Variants in LIN7A observed in about 807,000 individuals in gnomAD.
LIN7A encodes the protein lin-7 cell polarity scaffold A, also known as protein lin-7 homolog A.
LIN7A carries 25 observed loss-of-function variants against 29.8 expected under a neutral mutation model. That is an observed-to-expected ratio of 0.84 (90% CI 0.61 to 1.17). The LOEUF is 1.17. LIN7A is among the 50% of genes most tolerant of loss of function. The pLI, the probability that LIN7A is intolerant of heterozygous loss-of-function variation, is 0.00. For synonymous variants in LIN7A, 118 were observed against 107.5 expected (o/e 1.10, Z -0.60); for missense variants, 239 against 287.0 (o/e 0.83, Z 1.21).
At chr12:80,823,008 A>AC (rs1213902842) in intron 4 of LIN7A, among the ~76,000 whole-genome samples, 2 of 151,954 alleles carry the variant, frequency 1.3e-5, no homozygotes, top group Non-Finnish European at 2.9e-5. Flanking sequence ...GCCCATACAA[A>AC]CCCCAGATTC....
At chr12:80,854,486 C>CAAAA (rs34687099) in intron 2 of LIN7A, among the ~76,000 whole-genome samples, 16 of 108,960 alleles carry the variant, frequency 1.5e-4, no homozygotes, top group Admixed American at 2.0e-4. Context: ...GTTGCTAAGC[C>CAAAA]AAAAAAAAAA....
intron 1 of LIN7A, among the ~76,000 whole-genome samples, chr12:80,925,639 G>GT: frequency 6.6e-6 from 1 of 152,276 alleles, no homozygotes; most frequent in East Asian, 1.9e-4. Flanking sequence ...ACTTATTCAA[G>GT]TAACTTTGAG....
At chr12:80,873,213 CCT>C (rs1874508881) in intron 2 of LIN7A, among the ~76,000 whole-genome samples, 1 of 152,062 alleles carries the variant, frequency 6.6e-6, no homozygotes, top group African/African-American at 2.4e-5. Context: ...AGGCTAATCC[CCT>C]CTCTCCTTTC....
intron 1 of LIN7A, among the ~76,000 whole-genome samples, chr12:80,933,573 T>C (rs78342142): frequency 0.062 from 9,459 of 152,276 alleles, 328 homozygotes; most frequent in Middle Eastern, 0.088. Flanking sequence ...TTTCAACTAA[T>C]CTGAAATTCT....
chr12:80,915,790 T>G (rs1050790906), intron 1 of LIN7A, among the ~76,000 whole-genome samples: 9 of 152,040 alleles, frequency 5.9e-5, no homozygotes, highest in African/African-American at 1.9e-4. Flanking sequence ...GAAAACAAAA[T>G]ACCACACGTT....
chr12:80,832,877 G>T (rs1325746045), intron 4 of LIN7A, among the ~76,000 whole-genome samples: 1 of 152,068 alleles, frequency 6.6e-6, no homozygotes, highest in African/African-American at 2.4e-5. Context: ...CTTGTTAGGG[G>T]ACAGTTCAAA....
chr12:80,914,063 C>T (rs763776154), intron 1 of LIN7A, among the ~76,000 whole-genome samples: 8 of 152,094 alleles, frequency 5.3e-5, no homozygotes, highest in Non-Finnish European at 8.8e-5. Flanking sequence ...TGACTTTTTT[C>T]CTTTTCCTCA....
intron 4 of LIN7A, among the ~76,000 whole-genome samples, chr12:80,814,220 A>C (rs1871425243): frequency 6.6e-6 from 1 of 152,182 alleles, no homozygotes; most frequent in South Asian, 2.1e-4. Flanking sequence ...TCTTGAGAAA[A>C]CATGAAAGGA....
chr12:80,903,995 C>T lies in LIN7A; in HGVS notation c.83-14626G>A, dbSNP rs975400510. On this transcript the variant is annotated intron_variant, in intron 1 of 5. Coordinates refer to ENST00000552864, the MANE Select transcript of LIN7A (RefSeq NM_004664.4). ...AGTAAGTATAAATCCTAGTCCTAGA[C>T]TTTAGATATTTTTCTGTGTTTATAA... Among the ~76,000 whole-genome samples the T allele has an allele frequency of 2.4e-4, 36 of 152,124 alleles. 1 individual carries two copies. Among genetic ancestry groups the T allele is most frequent in the Admixed American group, 5.9e-4 (9 of 15,276 alleles).
intron 4 of LIN7A, among the ~76,000 whole-genome samples, chr12:80,814,502 A>T (rs1401090597): frequency 6.6e-6 from 1 of 152,004 alleles, no homozygotes; most frequent in Non-Finnish European, 1.5e-5. Flanking sequence ...CTTTTATTTA[A>T]TAGGGTTGGA....
intron 2 of LIN7A, among the ~76,000 whole-genome samples, chr12:80,879,801 A>C (rs1049158054): frequency 1.3e-5 from 2 of 152,226 alleles, no homozygotes; most frequent in Non-Finnish European, 2.9e-5. Flanking sequence ...CACAGCTTTC[A>C]GTATCAAACA....
chr12:80,844,697 G>T (rs902002294), intron 4 of LIN7A, among the ~76,000 whole-genome samples: 2 of 152,116 alleles, frequency 1.3e-5, no homozygotes, highest in Admixed American at 6.5e-5. Flanking sequence ...GTTATAGGGA[G>T]AAAATGTTTG....
intron 5 of LIN7A, among the ~76,000 whole-genome samples, chr12:80,806,264 C>T (rs975603602): frequency 2.6e-5 from 4 of 151,906 alleles, no homozygotes; most frequent in Admixed American, 6.6e-5. Flanking sequence ...GAATAAAACC[C>T]GAATTCATAT....
At chr12:80,908,466 T>A (rs1216399951) in intron 1 of LIN7A, among the ~76,000 whole-genome samples, 1 of 152,020 alleles carries the variant, frequency 6.6e-6, no homozygotes, top group Non-Finnish European at 1.5e-5. Context: ...AAGTAAGTCT[T>A]ATCAGAGTTA....
intron 2 of LIN7A, among the ~76,000 whole-genome samples, chr12:80,852,082 G>A (rs897697795): frequency 6.6e-6 from 1 of 152,050 alleles, no homozygotes; most frequent in Non-Finnish European, 1.5e-5. Context: ...AAAAATAATG[G>A]TTGTTTTTAA....
intron 1 of LIN7A, among the ~76,000 whole-genome samples, chr12:80,897,773 C>A (rs1486042268): frequency 1.3e-5 from 2 of 151,978 alleles, no homozygotes; most frequent in African/African-American, 4.8e-5. Flanking sequence ...CCACTGCATT[C>A]CAGCCTGGGC....
chr12:80,872,144 C>T (rs1874457253), intron 2 of LIN7A, among the ~76,000 whole-genome samples: 1 of 151,894 alleles, frequency 6.6e-6, no homozygotes. Context: ...TAATCATTTC[C>T]ATTTATTTTT....
chr12:80,916,507 T>C (rs570961103), intron 1 of LIN7A, among the ~76,000 whole-genome samples: 1 of 152,304 alleles, frequency 6.6e-6, no homozygotes, highest in Non-Finnish European at 1.5e-5. Context: ...GACTGGGCCA[T>C]GCTTCTCCAA....
intron 4 of LIN7A, among the ~76,000 whole-genome samples, chr12:80,839,363 G>C (rs543898273): frequency 6.6e-6 from 1 of 152,266 alleles, no homozygotes; most frequent in African/African-American, 2.4e-5. Flanking sequence ...AAATGGGACT[G>C]ATAATAATAA....
Sources: allele counts gnomAD v4.1 joint callset (sites outside exome capture counted in the v4.1 genomes callset), GRCh38; gene constraint gnomAD v4.1.1; transcripts MANE v1.5; gene names NCBI Gene and HGNC (gene_info 2026-07-23, HGNC 2026-07-21).